RIMKLB: variants seen among roughly 807,000 people sequenced by gnomAD.
RIMKLB encodes beta-citrylglutamate synthase B.
In RIMKLB, 7 loss-of-function variants were observed where a neutral mutation model predicts 32.0. That is an observed-to-expected ratio of 0.22 (90% CI 0.12 to 0.41). The LOEUF (loss-of-function observed/expected upper bound fraction) is 0.41. RIMKLB is among the 10% of genes least tolerant of loss of function. RIMKLB has a pLI of 1.00. For synonymous variants in RIMKLB, 172 were observed against 185.1 expected (o/e 0.93, Z 0.57); for missense variants, 289 against 498.7 (o/e 0.58, Z 4.00).
chr12:8,674,863 CTTTTTT>C, the RIMKLB span, among the ~76,000 whole-genome samples: 1 of 128,258 alleles, frequency 7.8e-6, no homozygotes. Context: ...TGTCACAATT[CTTTTTT>C]TTTTTTTTTT....
chr12:8,774,508 T>G lies in RIMKLB; in HGVS notation c.*724T>G, dbSNP rs887428677. On this transcript the variant is annotated 3_prime_UTR_variant, in exon 6 of 6. Transcript: ENST00000535829. ...GATAAAATTACACTAGTTTAAAATA[T>G]GTGCATTCACTTGTATTTGTTAGTG... The G allele has an allele frequency of 1.0e-6, 1 of 981,080 alleles. No individual in the cohort carries two copies. Among genetic ancestry groups the G allele is most frequent in the Non-Finnish European group, 1.2e-6 (1 of 825,860 alleles). The allele number at this position is 981,080 out of a possible 1,614,324, so 60.8% of individuals were successfully genotyped here. A position where few individuals can be genotyped will look rare whatever the true frequency, so the allele number is the denominator to read the frequency against.
intron 2 of RIMKLB, among the ~76,000 whole-genome samples, chr12:8,732,612 A>G (rs895670898): frequency 2.6e-5 from 4 of 152,214 alleles, no homozygotes; most frequent in Non-Finnish European, 4.4e-5. Context: ...ATTAATAACT[A>G]TTGTATGCGT....
intron 2 of RIMKLB, among the ~76,000 whole-genome samples, chr12:8,718,661 A>G (rs900083777): frequency 0.031 from 3,642 of 117,928 alleles, 175 homozygotes; most frequent in African/African-American, 0.1. Context: ...CTCTATATAT[A>G]TATATATATG....
intron 2 of RIMKLB, among the ~76,000 whole-genome samples, chr12:8,721,033 G>A (rs759340782): frequency 4.6e-5 from 7 of 152,280 alleles, no homozygotes; most frequent in African/African-American, 1.7e-4. Context: ...GAAGTGCTAG[G>A]ATATGGTTTA....
At chr12:8,686,816 C>T (rs1044596005) in intron 1 of RIMKLB, among the ~76,000 whole-genome samples, 15 of 152,200 alleles carry the variant, frequency 9.9e-5, no homozygotes, top group African/African-American at 3.6e-4. Flanking sequence ...GCTATATAGA[C>T]AGCTGCATAT....
downstream of RIMKLB, chr12:8,778,959 T>A (rs75954837): frequency 2.0e-5 from 3 of 152,264 alleles, no homozygotes; most frequent in African/African-American, 7.2e-5. Context: ...TTGACTCTTA[T>A]AAGGACAGTC....
Position 8,706,420 on chromosome 12 carries a change from C to T in RIMKLB, c.-56-7391C>T, listed in dbSNP as rs188226136. 3.9e-3 allele frequency among the ~76,000 whole-genome samples: 566 copies of T among 146,192 alleles called. 3 individuals carry two copies. Among genetic ancestry groups the T allele is most frequent in the Admixed American group, 7.2e-3 (103 of 14,354 alleles). ...TCGGCCTCCCAAAGTGCTGGAATTA[C>T]AGGTGTGAGCCACCACGCCTGGACT... On this transcript the variant is annotated intron_variant, in intron 1 of 5. Transcript: ENST00000535829.
chr12:8,749,094 A>G (rs184279093), intron 2 of RIMKLB, among the ~76,000 whole-genome samples: 119 of 152,366 alleles, frequency 7.8e-4, no homozygotes, highest in African/African-American at 2.7e-3. Context: ...TAAAAAACAT[A>G]CAAAACATAA....
Position 8,713,973 on chromosome 12 carries a change from A to G in RIMKLB, c.107A>G (p.Glu36Gly). 2 of 1,614,088 alleles carry G rather than the reference A, an allele frequency of 1.2e-6. No homozygotes were observed. Among genetic ancestry groups the G allele is most frequent in the Non-Finnish European group, 1.7e-6 (2 of 1,179,988 alleles). The part of the protein sequence containing the change: ...ILRALKAKCC[E>G]EELDFRAVVM... ...CGAGCATTGAAGGCCAAATGTTGTG[A>G]GGAGGAACTGGACTTTAGGGCTGTG... Residue 36 changes from glutamate to glycine, a missense_variant, in exon 2 of 6, where the codon GAG becomes GGG. By Grantham distance (98) the Glu-to-Gly change is moderately conservative. Coordinates refer to ENST00000535829, the MANE Select transcript of RIMKLB (RefSeq NM_001297776.2).
At chr12:8,693,731 G>T (rs192966501), upstream of RIMKLB, among the ~76,000 whole-genome samples, 6 of 152,182 alleles carry the variant, frequency 3.9e-5, no homozygotes, top group East Asian at 1.2e-3. Flanking sequence ...ATTCTAATCA[G>T]CTAATCTGAC....
chr12:8,751,991 G>T lies in RIMKLB; in HGVS notation c.441G>T (p.Glu147Asp), dbSNP rs374438568. The part of the protein sequence containing the change: ...GHENFAKMID[E>D]AEVLEFPMVV... ...AAAATTTTGCTAAAATGATTGATGA[G>T]GCTGAAGTTCTGGAGTTCCCAATGG... The change falls in exon 4 of 6, where the codon GAG (glutamate) becomes GAT (aspartate). Residue 147 changes from glutamate to aspartate, a missense_variant. By Grantham distance (45) the Glu-to-Asp change is conservative. Around this residue, in one of 3 missense-constraint regions of RIMKLB, gnomAD observed 156 missense variants for 329.5 expected, o/e 0.47. Coordinates refer to ENST00000535829, the MANE Select transcript of RIMKLB (RefSeq NM_001297776.2). The T allele has an allele frequency of 6.2e-7, 1 of 1,613,794 alleles. No individual in the cohort carries two copies. Among genetic ancestry groups the T allele is most frequent in the Non-Finnish European group, 8.5e-7 (1 of 1,179,764 alleles).
chr12:8,777,420 T>C (rs1425012924), downstream of RIMKLB: 1 of 985,130 alleles, frequency 1.0e-6, no homozygotes, highest in Non-Finnish European at 1.2e-6. Context: ...TTATTTCCTT[T>C]ATACCAATGC....
At position 8,774,310 on chromosome 12, in the gene RIMKLB, CT is replaced by C. The variant is rs1179742938; in HGVS notation, c.*530del. The C allele has an allele frequency of 7.1e-6, 7 of 985,184 alleles. No homozygotes were observed. The highest frequency in any genetic ancestry group is 8.4e-6 in the Non-Finnish European group (7 of 829,860). 61.0% of individuals were successfully genotyped at this position (985,184 alleles called of 1,614,324 possible). A position where few individuals can be genotyped will look rare whatever the true frequency, so the allele number is the denominator to read the frequency against. On this transcript the variant is annotated 3_prime_UTR_variant, in exon 6 of 6. Transcript: ENST00000535829. ...GTAGTTTATGAAATCTTGAGGGGCT[CT>C]TTTACTGGGATTTCTTATTTTTTTG...
In RIMKLB at chr12:8,725,176, G is replaced by A. The variant is rs368824890; in HGVS notation, c.175+11135G>A. Among the ~76,000 whole-genome samples, 9 of 152,304 alleles carry A rather than the reference G, an allele frequency of 5.9e-5. No individual in the cohort carries two copies. The East Asian group carries it at 1.5e-3, about 26-fold the overall frequency. On this transcript the variant is annotated intron_variant, in intron 2 of 5. Coordinates refer to ENST00000535829, the MANE Select transcript of RIMKLB (RefSeq NM_001297776.2). ...ACATTCCAGGTCCTGATGGAGGTAG[G>A]CTTCTCATTCAGGTGAAGACTTTTC...
At chr12:8,731,699 G>C (rs968561001) in intron 2 of RIMKLB, among the ~76,000 whole-genome samples, 3 of 151,710 alleles carry the variant, frequency 2.0e-5, no homozygotes, top group Admixed American at 6.6e-5. Flanking sequence ...TTTTTATTTT[G>C]GCATCTTATA....
At chr12:8,718,668 T>C (rs182705422) in intron 2 of RIMKLB, among the ~76,000 whole-genome samples, 1 of 66,684 alleles carries the variant, frequency 1.5e-5, no homozygotes, top group Non-Finnish European at 3.9e-5. Context: ...TATATATATA[T>C]ATGTGTGTGT....
At chr12:8,770,876 G>T (rs1179299247) in intron 5 of RIMKLB, among the ~76,000 whole-genome samples, 2 of 152,154 alleles carry the variant, frequency 1.3e-5, no homozygotes, top group African/African-American at 4.8e-5. Context: ...TCAAGTTGGG[G>T]TTCCCGTGAC....
intron 2 of RIMKLB, 36 bp downstream of exon 2, chr12:8,714,077 A>G: frequency 1.3e-6 from 2 of 1,571,206 alleles, no homozygotes; most frequent in Non-Finnish European, 1.8e-6. Flanking sequence ...TTGGATTTTT[A>G]CCTAGAATAT....
intron 3 of RIMKLB, among the ~76,000 whole-genome samples, 161 bp downstream of exon 3, chr12:8,750,253 A>G (rs960040314): frequency 5.9e-5 from 9 of 152,214 alleles, no homozygotes; most frequent in African/African-American, 2.2e-4. Context: ...GTTTCATATT[A>G]TGGGGGAAAA....
Sources: gnomAD v4.1 joint callset for allele counts (sites outside exome capture counted in the v4.1 genomes callset) on GRCh38, gnomAD v4.1.1 for gene constraint, gnomAD v4.1.1 regional missense constraint, MANE v1.5 for transcripts, NCBI Gene and HGNC (gene_info 2026-07-23, HGNC 2026-07-21) for gene names.